DDX42: variants seen among roughly 807,000 people sequenced by gnomAD.
The protein encoded by DDX42 is ATP-dependent RNA helicase DDX42.
Under a neutral mutation model 101.5 loss-of-function variants are expected in DDX42, and 22 were observed. The observed-to-expected ratio is 0.22, with a 90% CI of 0.15 to 0.31. The LOEUF is 0.31. Ranked by LOEUF, DDX42 falls within the 10% of genes least tolerant of loss-of-function variation. DDX42 has a pLI of 1.00. For synonymous variants in DDX42, 402 were observed against 401.2 expected (o/e 1.00, Z -0.02); for missense variants, 849 against 1,199.9 (o/e 0.71, Z 4.32).
At chr17:63,785,602 TAAAAA>T (rs35420075) in intron 1 of DDX42, among the ~76,000 whole-genome samples, 2 of 140,170 alleles carry the variant, frequency 1.4e-5, no homozygotes, top group Non-Finnish European at 3.1e-5. Flanking sequence ...CCCTGTTCCT[TAAAAA>T]AAAAAAAAAA....
chr17:63,790,339 T>C (rs924414425), intron 2 of DDX42, among the ~76,000 whole-genome samples: 2 of 152,090 alleles, frequency 1.3e-5, no homozygotes, highest in Non-Finnish European at 2.9e-5. Flanking sequence ...GACTATATAT[T>C]TTAGGCCAGG....
chr17:63,807,453 C>G (rs528123044), intron 8 of DDX42, among the ~76,000 whole-genome samples: 2 of 152,238 alleles, frequency 1.3e-5, no homozygotes, highest in South Asian at 4.1e-4. Flanking sequence ...TTTTTCATTT[C>G]TGTATTTTAA....
chr17:63,776,729 G>GT (rs896035677), intron 1 of DDX42, among the ~76,000 whole-genome samples: 14 of 150,894 alleles, frequency 9.3e-5, no homozygotes, highest in African/African-American at 3.2e-4. Flanking sequence ...GCCTCCCAGA[G>GT]TGCTGGGATT....
intron 3 of DDX42, 61 bp downstream of exon 3, chr17:63,792,623 G>A: frequency 6.7e-7 from 1 of 1,491,454 alleles, no homozygotes; most frequent in Non-Finnish European, 9.0e-7. Context: ...AGTTAACTTA[G>A]TACTTCAAAT....
chr17:63,793,645 A>G (rs976165315), intron 3 of DDX42, among the ~76,000 whole-genome samples: 1 of 152,174 alleles, frequency 6.6e-6, no homozygotes, highest in South Asian at 2.1e-4. Context: ...CACTCTTACA[A>G]ATTACAACCA....
intron 5 of DDX42, 50 bp downstream of exon 5, chr17:63,799,675 A>G (rs144409458): frequency 0.024 from 37,644 of 1,577,376 alleles, 535 homozygotes; most frequent in Non-Finnish European, 0.028. Flanking sequence ...CACAAAGTCT[A>G]TACTGGGGAC....
At chr17:63,780,039 G>A (rs2039467725) in intron 1 of DDX42, among the ~76,000 whole-genome samples, 1 of 152,206 alleles carries the variant, frequency 6.6e-6, no homozygotes, top group Non-Finnish European at 1.5e-5. Flanking sequence ...GCTCACGCCT[G>A]TAATCCCAGC....
In DDX42 at chr17:63,799,451, T is replaced by C. The variant is rs769940070; in HGVS notation, c.435-138T>C. On this transcript the variant is annotated intron_variant, in intron 4 of 17. Transcript: ENST00000389924. ...ATATAATGGGGTGGATAGTTTATAGTGTGCTCATTGCTGCTTTGTTATTAT... is the reference window on the plus strand; with the variant it reads ...ATATAATGGGGTGGATAGTTTATAGCGTGCTCATTGCTGCTTTGTTATTAT... 3.6e-4 allele frequency: 294 copies of C among 810,108 alleles called. 1 individual carries two copies. The East Asian group carries it at 7.2e-3, about 20-fold the overall frequency. 50.2% of individuals were successfully genotyped at this position (810,108 alleles called of 1,614,324 possible).
intron 14 of DDX42, among the ~76,000 whole-genome samples, chr17:63,812,753 G>A (rs1038257592): frequency 3.9e-5 from 6 of 152,146 alleles, no homozygotes; most frequent in South Asian, 2.1e-4. Flanking sequence ...AGTCGGGCAC[G>A]GTGGCTCACA....
intron 2 of DDX42, among the ~76,000 whole-genome samples, chr17:63,788,588 G>A (rs548126880): frequency 3.9e-5 from 6 of 152,202 alleles, no homozygotes; most frequent in Non-Finnish European, 5.9e-5. Flanking sequence ...TTATACAGGC[G>A]TGAGCCACTG....
intron 15 of DDX42, among the ~76,000 whole-genome samples, chr17:63,814,835 A>G (rs2039957579): frequency 6.6e-6 from 1 of 151,982 alleles, no homozygotes; most frequent in Admixed American, 6.6e-5. Context: ...GATTAGAGGC[A>G]TGTGCCACCA....
In DDX42 at chr17:63,788,737, T is replaced by C. The variant is rs554819234; in HGVS notation, c.221+1467T>C. Among the ~76,000 whole-genome samples, 65 of 152,324 alleles carry C rather than the reference T, an allele frequency of 4.3e-4. No homozygotes were observed. In the South Asian group the frequency reaches 0.013, roughly 30 times the overall value. ...AATTACCGTTTTTAACTTGCTGATA[T>C]AATAATGTGGTTAGAAAAGGCTGGG... On this transcript the variant is annotated intron_variant, in intron 2 of 17. Coordinates refer to ENST00000389924, the MANE Select transcript of DDX42 (RefSeq NM_203499.3).
intron 6 of DDX42, among the ~76,000 whole-genome samples, chr17:63,803,603 A>G (rs1026111179): frequency 6.6e-5 from 10 of 150,552 alleles, no homozygotes; most frequent in African/African-American, 2.2e-4. Flanking sequence ...TGAAAAGGCT[A>G]CTAAAATACT....
intron 16 of DDX42, among the ~76,000 whole-genome samples, chr17:63,816,358 C>T (rs901588049): frequency 6.6e-6 from 1 of 152,146 alleles, no homozygotes; most frequent in African/African-American, 2.4e-5. Flanking sequence ...TTATTGAGCA[C>T]TTTATATGTG....
chr17:63,800,067 GT>G (rs1393961299), intron 5 of DDX42: 1 of 215,786 alleles, frequency 4.6e-6, no homozygotes, highest in Non-Finnish European at 9.2e-6. Context: ...CAGTTGTGGA[GT>G]GATGAGAATC....
chr17:63,778,763 C>T (rs1274437901), intron 1 of DDX42, among the ~76,000 whole-genome samples: 1 of 152,094 alleles, frequency 6.6e-6, no homozygotes, highest in Non-Finnish European at 1.5e-5. Flanking sequence ...GCCTCAGCCT[C>T]CTAAGTAGCT....
intron 5 of DDX42, 95 bp downstream of exon 5, chr17:63,799,720 C>G (rs2039739419): frequency 7.9e-7 from 1 of 1,259,758 alleles, no homozygotes; most frequent in African/African-American, 1.5e-5. Context: ...AATGGCCATT[C>G]CTGACATTCA....
intron 14 of DDX42, among the ~76,000 whole-genome samples, chr17:63,812,501 A>G (rs1473303589): frequency 6.6e-6 from 1 of 152,214 alleles, no homozygotes; most frequent in African/African-American, 2.4e-5. Context: ...TATAGTAGAT[A>G]CCTTACCCTT....
At chr17:63,795,340 TTTCTC>T (rs1266396736) in intron 3 of DDX42, among the ~76,000 whole-genome samples, 1 of 152,172 alleles carries the variant, frequency 6.6e-6, no homozygotes, top group African/African-American at 2.4e-5. Flanking sequence ...CCATTTGTCA[TTTCTC>T]TTGCACTGTA....
Sources: gnomAD v4.1 joint callset for allele counts (sites outside exome capture counted in the v4.1 genomes callset) on GRCh38, gnomAD v4.1.1 for gene constraint, MANE v1.5 for transcripts, NCBI Gene and HGNC (gene_info 2026-07-23, HGNC 2026-07-21) for gene names.